The following PHKA2 variants were observed in gnomAD, a reference collection of about 807,000 sequenced individuals.
The protein encoded by PHKA2 is phosphorylase b kinase regulatory subunit alpha, liver isoform.
In PHKA2, 31 loss-of-function variants were observed where a neutral mutation model predicts 102.0. That is an observed-to-expected ratio of 0.30 (90% CI 0.23 to 0.41). The LOEUF (loss-of-function observed/expected upper bound fraction) is 0.41. PHKA2 is among the 10% of genes least tolerant of loss of function. The probability of loss-of-function intolerance (pLI) is 1.00; values close to 1 mark genes in which losing one functional copy is unlikely to be tolerated. For synonymous variants in PHKA2, 455 were observed against 416.2 expected, an observed-to-expected ratio of 1.09 and a Z score of -1.13; for missense variants, 858 against 1,023.1, an observed-to-expected ratio of 0.84 and a Z score of 2.20.
chrX:18,934,134 G>A (rs1050327501), intron 11 of PHKA2, among the ~76,000 whole-genome samples: 3 of 111,965 alleles, frequency 2.7e-5, no homozygotes, highest in African/African-American at 9.8e-5. Context: ...GACCTGAAGC[G>A]GGATATGAAC....
chrX:18,957,849 G>T (rs2048807473), intron 1 of PHKA2, among the ~76,000 whole-genome samples: 1 of 107,582 alleles, frequency 9.3e-6, no homozygotes, highest in Non-Finnish European at 1.9e-5. Flanking sequence ...TTTTGAAGGT[G>T]GGGGTCACTG....
Position 18,961,877 on chromosome X carries a change from CAG to C in PHKA2, c.79-7467_79-7466del, listed in dbSNP as rs2048876222. On this transcript the variant is annotated intron_variant, in intron 1 of 32. Transcript: ENST00000379942. ...ACAGGAAATGGCTCATTGCTCAACT[CAG>C]AGCTGAGATGGGTCAAATAGAGAAC... is the stretch of plus-strand genomic sequence containing the variant. Among the ~76,000 whole-genome samples the C allele has an allele frequency of 5.5e-5, 6 of 109,109 alleles. 1 individual carries two copies. In the South Asian group the frequency reaches 2.4e-3, roughly 43 times the overall value. 94.7% of individuals were successfully genotyped at this position (109,109 alleles called of 115,157 possible).
chrX:18,944,950 A>T (rs1457910230), intron 6 of PHKA2, 128 bp downstream of exon 6: 1 of 552,353 alleles, frequency 1.8e-6, no homozygotes, highest in Non-Finnish European at 3.3e-6. Flanking sequence ...GTGCCACTTG[A>T]ATTTCACATC....
intron 21 of PHKA2, 64 bp from the exon 22 acceptor site, chrX:18,908,120 T>A: frequency 1.9e-6 from 2 of 1,074,259 alleles, no homozygotes; most frequent in South Asian, 3.7e-5. Context: ...GAGGAATGGA[T>A]CACTGTGCAT....
chrX:18,928,638 C>A (rs990525761), intron 13 of PHKA2, among the ~76,000 whole-genome samples: 1 of 112,380 alleles, frequency 8.9e-6, no homozygotes, highest in Non-Finnish European at 1.9e-5. Flanking sequence ...ACACCACAGG[C>A]CAGGCACTAC....
chrX:18,982,945 T>C (rs958333584), intron 1 of PHKA2, among the ~76,000 whole-genome samples: 5 of 112,354 alleles, frequency 4.5e-5, no homozygotes, highest in African/African-American at 1.6e-4. Flanking sequence ...CAGCACTTTG[T>C]AGAGTGCTTT....
At chrX:18,926,335 G>T in intron 14 of PHKA2, 118 bp downstream of exon 14, 1 of 627,919 alleles carries the variant, frequency 1.6e-6, no homozygotes, top group Non-Finnish European at 2.7e-6. Context: ...GGAACCGCCT[G>T]CTTTAGTTTT....
intron 1 of PHKA2, among the ~76,000 whole-genome samples, chrX:18,981,076 T>C (rs544682014): frequency 9.0e-6 from 1 of 111,503 alleles, no homozygotes; most frequent in Non-Finnish European, 1.9e-5. Context: ...CTTTTTTTTT[T>C]AATTGTGGTA....
At chrX:18,929,491 G>A (rs1347185707) in intron 12 of PHKA2, among the ~76,000 whole-genome samples, 185 bp from the exon 13 acceptor site, 2 of 112,240 alleles carry the variant, frequency 1.8e-5, no homozygotes, top group East Asian at 2.8e-4. Context: ...ACTGATAAAC[G>A]TATTACATTT....
chrX:18,911,359 G>C (rs1202667342), intron 19 of PHKA2, among the ~76,000 whole-genome samples: 1 of 111,334 alleles, frequency 9.0e-6, no homozygotes, highest in African/African-American at 3.3e-5. Flanking sequence ...CTTTAGTAGG[G>C]ACGGAATTTC....
At chrX:18,926,317 G>T in intron 14 of PHKA2, 136 bp downstream of exon 14, 1 of 571,967 alleles carries the variant, frequency 1.7e-6, no homozygotes, top group Non-Finnish European at 3.1e-6. Context: ...TCTTCACATC[G>T]AAGCGGTGGA....
chrX:18,919,138 A>C (rs1213151553), intron 18 of PHKA2, among the ~76,000 whole-genome samples: 2 of 111,993 alleles, frequency 1.8e-5, no homozygotes, highest in African/African-American at 6.5e-5. Context: ...GAACTGAATA[A>C]TATGTAAGAC....
intron 1 of PHKA2, among the ~76,000 whole-genome samples, chrX:18,970,136 G>T (rs1211155627): frequency 1.8e-5 from 2 of 111,922 alleles, no homozygotes; most frequent in Admixed American, 9.5e-5. Flanking sequence ...CTACTGGGGA[G>T]GCTGAGGTGG....
intron 25 of PHKA2, 130 bp downstream of exon 25, chrX:18,906,365 C>T (rs1197546933): frequency 2.5e-6 from 2 of 807,001 alleles, no homozygotes; most frequent in Non-Finnish European, 3.7e-6. Flanking sequence ...GCTGGTAAGG[C>T]CTGAGCTTGC....
chrX:18,926,265 G>A (rs1223314113), intron 14 of PHKA2, among the ~76,000 whole-genome samples, 188 bp downstream of exon 14: 1 of 112,648 alleles, frequency 8.9e-6, no homozygotes, highest in East Asian at 2.8e-4. Context: ...CTGTGACGGT[G>A]CCCACTGAAC....
intron 17 of PHKA2, among the ~76,000 whole-genome samples, chrX:18,922,643 A>G (rs1360789353): frequency 9.2e-6 from 1 of 108,263 alleles, no homozygotes; most frequent in Non-Finnish European, 1.9e-5. Flanking sequence ...CACTTATATG[A>G]GCTATCTGGA....
Position 18,926,514 on chromosome X carries a change from C to T in PHKA2, c.1398G>A (p.Ala466=), listed in dbSNP as rs146631734. Residue 466 remains alanine, a synonymous_variant, in exon 14 of 33, where the codon GCG becomes GCA. Coordinates refer to ENST00000379942, the MANE Select transcript of PHKA2 (RefSeq NM_000292.3). ...RKHGVNVQSI[A]DIHPIQVQPG... Reference sequence around the variant, plus strand: ...GCTGGACTTGAATTGGATGAATGTCCGCGATACTCTGGACGTTCACCCCGT... The same window carrying T: ...GCTGGACTTGAATTGGATGAATGTCTGCGATACTCTGGACGTTCACCCCGT... 2,907 of 1,198,346 alleles carry T rather than the reference C, an allele frequency of 2.4e-3. No individual in the cohort carries two copies. Among genetic ancestry groups the T allele is most frequent in the Non-Finnish European group, 2.8e-3 (2,501 of 884,149 alleles).
At chrX:18,909,268 G>T (rs150644158) in intron 20 of PHKA2, among the ~76,000 whole-genome samples, 3 of 112,196 alleles carry the variant, frequency 2.7e-5, no homozygotes, top group African/African-American at 9.7e-5. Context: ...GAGATGGGAG[G>T]GGGGCACAGA....
At chrX:18,917,902 C>A (rs1295594703) in intron 19 of PHKA2, among the ~76,000 whole-genome samples, 1 of 110,220 alleles carries the variant, frequency 9.1e-6, no homozygotes, top group African/African-American at 3.3e-5. Context: ...CACCACCATG[C>A]CCTCTTCCAC....
Sources: gnomAD v4.1 joint callset for allele counts (sites outside exome capture counted in the v4.1 genomes callset) on GRCh38, gnomAD v4.1.1 for gene constraint, MANE v1.5 for transcripts, NCBI Gene and HGNC (gene_info 2026-07-23, HGNC 2026-07-21) for gene names.